Variants in CCDC200 observed in about 807,000 individuals in gnomAD.
The protein encoded by CCDC200 is coiled-coil domain containing 200, also known as coiled-coil domain-containing protein 200.
intron 1 of CCDC200, among the ~76,000 whole-genome samples, chr17:43,225,189 A>G (rs952451092): frequency 6.6e-6 from 1 of 151,724 alleles, no homozygotes; most frequent in Non-Finnish European, 1.5e-5. Flanking sequence ...ATGTGCCACC[A>G]TGCCTTGCTA....
At chr17:43,226,505 C>T (rs1459177785) in intron 1 of CCDC200, among the ~76,000 whole-genome samples, 3 of 152,176 alleles carry the variant, frequency 2.0e-5, no homozygotes, top group Non-Finnish European at 2.9e-5. Flanking sequence ...AAGTGATTCT[C>T]CCACTGCAGC....
chr17:43,225,974 C>A (rs2057567115), intron 1 of CCDC200, among the ~76,000 whole-genome samples: 1 of 151,738 alleles, frequency 6.6e-6, no homozygotes, highest in Non-Finnish European at 1.5e-5. Context: ...CCTTGTGATC[C>A]ACCCGCCTCG....
intron 3 of CCDC200, among the ~76,000 whole-genome samples, chr17:43,223,246 A>ATTTTTTTTTTTT (rs1382906549): frequency 1.4e-4 from 12 of 84,848 alleles, no homozygotes; most frequent in South Asian, 4.4e-4. Flanking sequence ...ATTTTTTTCA[A>ATTTTTTTTTTTT]TTTTTTTTTT....
chr17:43,225,397 G>A (rs2057559848), intron 1 of CCDC200, among the ~76,000 whole-genome samples: 1 of 151,392 alleles, frequency 6.6e-6, no homozygotes, highest in Admixed American at 6.6e-5. Flanking sequence ...GGACGCGGTG[G>A]CTCACGCCTG....
At position 43,226,521 on chromosome 17, in the gene CCDC200, G is replaced by A. The variant is rs2154582798; in HGVS notation, c.105+1929C>T. Among the ~76,000 whole-genome samples, 4 of 152,180 alleles carry A rather than the reference G, an allele frequency of 2.6e-5. No individual in the cohort carries two copies. In the East Asian group the frequency reaches 5.8e-4, roughly 22 times the overall value. The stretch of plus-strand genomic sequence containing the variant: ...AGTGATTCTCCCACTGCAGCCTCCC[G>A]AGTAGCTGGGACTATGGGTGCACAC... On this transcript the variant is annotated intron_variant, in intron 1 of 3. Coordinates refer to ENST00000636331, the MANE Select transcript of CCDC200 (RefSeq NM_001363254.2).
chr17:43,225,693 T>TATATATATATATATATATAA lies in CCDC200; in HGVS notation c.106-1145_106-1144insTTATATATATATATATATAT, dbSNP rs1282739067. On this transcript the variant is annotated intron_variant, in intron 1 of 3. Coordinates refer to ENST00000636331, the MANE Select transcript of CCDC200 (RefSeq NM_001363254.2). The stretch of plus-strand genomic sequence containing the variant: ...AAAAAAAAAAAAGTATATATATATA[T>TATATATATATATATATATAA]TGCATGCTACATGTGTAATTTTAAA... 1.6e-3 allele frequency among the ~76,000 whole-genome samples: 46 copies of TATATATATATATATATATAA among 28,958 alleles called. 6 individuals carry two copies. Among genetic ancestry groups the TATATATATATATATATATAA allele is most frequent in the African/African-American group, 2.1e-3 (44 of 21,184 alleles). 19.0% of individuals were successfully genotyped at this position (28,958 alleles called of 152,430 possible). A position where few individuals can be genotyped will look rare whatever the true frequency, so the allele number is the denominator to read the frequency against.
In CCDC200 at chr17:43,224,504, G is replaced by A. The variant is rs1343231473; in HGVS notation, c.151C>T (p.Leu51Phe). The A allele has an allele frequency of 6.5e-6, 1 of 153,624 alleles. No individual in the cohort carries two copies. The highest frequency in any genetic ancestry group is 1.5e-5 in the Non-Finnish European group (1 of 68,142). The allele number at this position is 153,624 out of a possible 1,614,324, so 9.5% of individuals were successfully genotyped here. A position where few individuals can be genotyped will look rare whatever the true frequency, so the allele number is the denominator to read the frequency against. The part of the protein sequence containing the change: ...QEEEQQSEEK[L>F]QPHKKLNVPQ... ...ACATTTAACTTCTTATGTGGCTGGA[G>A]TTTTTCCTCCGATTGTTGTTCTTCC... is the stretch of plus-strand genomic sequence containing the variant. The change falls in exon 2 of 4, where the codon CTC (leucine) becomes TTC (phenylalanine). Residue 51 changes from leucine (L) to phenylalanine (F), a missense_variant. Coordinates refer to ENST00000636331, the MANE Select transcript of CCDC200 (RefSeq NM_001363254.2).
chr17:43,227,360 G>A (rs1252298301), intron 1 of CCDC200, among the ~76,000 whole-genome samples: 1 of 152,210 alleles, frequency 6.6e-6, no homozygotes, highest in Non-Finnish European at 1.5e-5. Context: ...GCCAGGCATG[G>A]TGGTTCACAC....
chr17:43,224,920 A>C (rs1268707960), intron 1 of CCDC200: 1 of 152,284 alleles, frequency 6.6e-6, no homozygotes, highest in Admixed American at 6.6e-5. Flanking sequence ...GCTGGAGTGC[A>C]GTAGCACTTT....
At chr17:43,222,087 CA>C (rs1415737054) in intron 3 of CCDC200, among the ~76,000 whole-genome samples, 1 of 148,142 alleles carries the variant, frequency 6.8e-6, no homozygotes, top group Non-Finnish European at 1.5e-5. Context: ...GACTGTGTCT[CA>C]AAAAAAAAGA....
At chr17:43,226,562 A>T (rs1372365075) in intron 1 of CCDC200, among the ~76,000 whole-genome samples, 2 of 151,836 alleles carry the variant, frequency 1.3e-5, no homozygotes, top group African/African-American at 4.8e-5. Context: ...TGCCTGGCTA[A>T]TTTTTCTATT....
At chr17:43,221,693 A>G (rs1449833009) in intron 3 of CCDC200, 96 bp from the exon 4 acceptor site, 1 of 152,602 alleles carries the variant, frequency 6.6e-6, no homozygotes, top group Non-Finnish European at 1.5e-5. Flanking sequence ...ATCAAAGTGA[A>G]ATGTAGCAGC....
At chr17:43,226,750 G>A (rs1598040627) in intron 1 of CCDC200, among the ~76,000 whole-genome samples, 1 of 152,124 alleles carries the variant, frequency 6.6e-6, no homozygotes, top group African/African-American at 2.4e-5. Flanking sequence ...ACATATCAGT[G>A]AAGTATTTTA....
chr17:43,222,278 G>C (rs946644126), intron 3 of CCDC200, among the ~76,000 whole-genome samples: 1 of 151,250 alleles, frequency 6.6e-6, no homozygotes, highest in South Asian at 2.1e-4. Flanking sequence ...TGATTCTCCT[G>C]CCTCAGTCTC....
chr17:43,222,927 C>T (rs567825101), intron 3 of CCDC200, among the ~76,000 whole-genome samples: 1 of 152,042 alleles, frequency 6.6e-6, no homozygotes, highest in African/African-American at 2.4e-5. Flanking sequence ...ATGCCACCCA[C>T]CCAGCTAATT....
chr17:43,230,810 C>T, upstream of CCDC200, among the ~76,000 whole-genome samples: 2 of 88,676 alleles, frequency 2.3e-5, 1 homozygote. Flanking sequence ...GAATCCCCGT[C>T]TCTACTAAAA....
At position 43,224,520 on chromosome 17, in the gene CCDC200, T is replaced by C. The variant is rs2057554475; in HGVS notation, c.135A>G (p.Gln45=). 1 of 153,182 alleles carries C rather than the reference T, an allele frequency of 6.5e-6. No individual in the cohort carries two copies. Among genetic ancestry groups the C allele is most frequent in the Admixed American group, 6.5e-5 (1 of 15,270 alleles). The allele number at this position is 153,182 out of a possible 1,614,324, so 9.5% of individuals were successfully genotyped here. A position where few individuals can be genotyped will look rare whatever the true frequency, so the allele number is the denominator to read the frequency against. ...GTGGCTGGAGTTTTTCCTCCGATTG[T>C]TGTTCTTCCTCCTGGTGATTCTTCA... is the stretch of plus-strand genomic sequence containing the variant. ...QELKNHQEEE[Q]QSEEKLQPHK... The change falls in exon 2 of 4, where the codon CAA becomes CAG. Residue 45 remains glutamine, a synonymous_variant. Coordinates refer to ENST00000636331, the MANE Select transcript of CCDC200 (RefSeq NM_001363254.2).
At chr17:43,222,452 C>T (rs1806157676) in intron 3 of CCDC200, among the ~76,000 whole-genome samples, 1 of 152,322 alleles carries the variant, frequency 6.6e-6, no homozygotes, top group East Asian at 1.9e-4. Context: ...CAGGCATGGG[C>T]CCCTGCGCCT....
At chr17:43,223,139 A>G (rs887491627) in intron 3 of CCDC200, among the ~76,000 whole-genome samples, 16 of 150,464 alleles carry the variant, frequency 1.1e-4, no homozygotes, top group Non-Finnish European at 1.8e-4. Flanking sequence ...CTGGTCTCAA[A>G]CTTCTGGGCT....
Sources: allele counts gnomAD v4.1 joint callset (sites outside exome capture counted in the v4.1 genomes callset), GRCh38; gene constraint gnomAD v4.1.1; transcripts MANE v1.5; gene names NCBI Gene and HGNC (gene_info 2026-07-23, HGNC 2026-07-21).